The following ZNF638 variants were observed in gnomAD, a reference collection of about 807,000 sequenced individuals.
ZNF638 encodes the protein CTCL tumor antigen se33-1.
Under a neutral mutation model 195.6 loss-of-function variants are expected in ZNF638, and 46 were observed. The ratio of observed to expected loss-of-function variants is 0.24; its 90% confidence interval spans 0.19 to 0.30. The LOEUF is 0.30. Ranked by LOEUF, ZNF638 falls within the 10% of genes least tolerant of loss-of-function variation. The probability of loss-of-function intolerance (pLI) is 1.00; values close to 1 mark genes in which losing one functional copy is unlikely to be tolerated. For synonymous variants in ZNF638, 845 were observed against 772.0 expected (o/e 1.09, Z -1.57); for missense variants, 2,440 against 2,325.3 (o/e 1.05, Z -1.01).
At chr2:71,399,330 G>A (rs1252575761) in intron 12 of ZNF638, among the ~76,000 whole-genome samples, 3 of 152,070 alleles carry the variant, frequency 2.0e-5, no homozygotes, top group Non-Finnish European at 4.4e-5. Flanking sequence ...GCCACATGAA[G>A]GTTAAACATG....
chr2:71,419,239 C>G (rs1296184252), intron 21 of ZNF638, among the ~76,000 whole-genome samples: 1 of 152,186 alleles, frequency 6.6e-6, no homozygotes, highest in East Asian at 1.9e-4. Flanking sequence ...TGGATATCCT[C>G]CTTATCACCA....
chr2:71,407,609 A>G (rs1040768731), intron 19 of ZNF638: 5 of 152,262 alleles, frequency 3.3e-5, no homozygotes, highest in African/African-American at 1.2e-4. Context: ...ACTGATATTC[A>G]GCACCTTCAC....
At chr2:71,355,384 T>A (rs550180505) in intron 2 of ZNF638, among the ~76,000 whole-genome samples, 137 of 152,248 alleles carry the variant, frequency 9.0e-4, no homozygotes, top group African/African-American at 3.2e-3. Context: ...TCTGGTGTGT[T>A]GTTTTTATAT....
rs2079182861 is a variant in ZNF638, at chr2:71,365,594, G to T, written c.1883G>T (p.Ser628Ile). Residue 628 changes from serine to isoleucine, a missense_variant, in exon 6 of 28, where the codon AGT (serine) becomes ATT (isoleucine). By Grantham distance (142) the Ser-to-Ile change is moderately radical. Around this residue, in one of 5 missense-constraint regions of ZNF638, gnomAD observed 1,883 missense variants for 1,739.1 expected, o/e 1.08. Coordinates refer to ENST00000264447, the MANE Select transcript of ZNF638 (RefSeq NM_014497.5). ...PSVKPTSATK[S>I]DSNLGGHSIR... ...GTTAAACCTACAAGCGCTACAAAGA[G>T]TGATTCAAATCTAGGAGGACATTCT... The T allele has an allele frequency of 6.2e-7, 1 of 1,614,162 alleles. No individual in the cohort carries two copies.
intron 24 of ZNF638, 87 bp downstream of exon 24, chr2:71,427,501 A>ATTGG: frequency 1.2e-5 from 12 of 995,766 alleles, no homozygotes; most frequent in Non-Finnish European, 1.7e-5. Context: ...GGCATTACCA[A>ATTGG]TAATGTCACC....
rs773266722 is a variant in ZNF638 at position 71,364,267 on chromosome 2, A to G, written c.1717+15A>G. 5.6e-6 allele frequency: 9 copies of G among 1,596,698 alleles called. No homozygotes were observed. Among genetic ancestry groups the G allele is most frequent in the South Asian group, 4.5e-5 (4 of 88,822 alleles). ...GAGATCATCAGGTACACTGATGGCC[A>G]TGAAATAGTGAATGTACTTATTTTG... is the stretch of plus-strand genomic sequence containing the variant. On this transcript the variant is annotated intron_variant, in intron 5 of 27. Coordinates refer to ENST00000264447, the MANE Select transcript of ZNF638 (RefSeq NM_014497.5).
chr2:71,433,412 C>A lies in ZNF638; in HGVS notation c.5871+129C>A, dbSNP rs566915785. 5 of 652,750 alleles carry A rather than the reference C, an allele frequency of 7.7e-6. No homozygotes were observed. The East Asian group carries it at 1.1e-4, about 14-fold the overall frequency. The allele number at this position is 652,750 out of a possible 1,614,324, so 40.4% of individuals were successfully genotyped here. ...TTATGCCAGTTTATTCCTCTTAAGT[C>A]CTGTTTTCTCCTTCAGTGTACCTTG... On this transcript the variant is annotated intron_variant, in intron 27 of 27. Transcript: ENST00000264447.
At position 71,376,343 on chromosome 2, in the gene ZNF638, A is replaced by G. The variant is rs369702872; in HGVS notation, c.2266-3879A>G. On this transcript the variant is annotated intron_variant, in intron 8 of 27. Coordinates refer to ENST00000264447, the MANE Select transcript of ZNF638 (RefSeq NM_014497.5). Reference sequence around the variant, plus strand: ...GGATTGAGTGGAGGGAACTCTGAACAGAATTTGAGTTGTGCCTTCTTCATA... The same window carrying G: ...GGATTGAGTGGAGGGAACTCTGAACGGAATTTGAGTTGTGCCTTCTTCATA... The G allele has an allele frequency of 4.6e-5, 7 of 152,326 alleles. No homozygotes were observed. In the South Asian group the frequency reaches 8.3e-4, roughly 18 times the overall value. The allele number at this position is 152,326 out of a possible 1,614,324, so 9.4% of individuals were successfully genotyped here.
chr2:71,366,968 T>A (rs1040296269), intron 6 of ZNF638, among the ~76,000 whole-genome samples: 2 of 152,192 alleles, frequency 1.3e-5, no homozygotes, highest in Non-Finnish European at 2.9e-5. Context: ...TTAATATTAA[T>A]AAGTCTTCAA....
At chr2:71,419,958 T>TTCCCCCC (rs1558881346) in intron 21 of ZNF638, among the ~76,000 whole-genome samples, 1 of 26,574 alleles carries the variant, frequency 3.8e-5, no homozygotes, top group Non-Finnish European at 7.5e-5. Flanking sequence ...ACTTCTTAAT[T>TTCCCCCC]CCCACCCCCC....
intron 1 of ZNF638, among the ~76,000 whole-genome samples, chr2:71,343,478 C>T (rs1178089813): frequency 6.6e-6 from 1 of 152,132 alleles, no homozygotes; most frequent in African/African-American, 2.4e-5. Flanking sequence ...ATTAAATGTT[C>T]CTGCCTGCCA....
chr2:71,418,873 C>T lies in ZNF638; in HGVS notation c.3299+234C>T, dbSNP rs112295416. Among the ~76,000 whole-genome samples the T allele has an allele frequency of 2.4e-3, 362 of 152,126 alleles. 3 individuals carry two copies. The highest frequency in any genetic ancestry group is 7.9e-3 in the African/African-American group (329 of 41,520). ...ATTTACTGAATATTTAGAGTAACTG[C>T]GTATATAAACAGTTTGAATTAAATA... On this transcript the variant is annotated intron_variant, in intron 21 of 27. Transcript: ENST00000264447.
Position 71,348,813 on chromosome 2 carries a change from A to C in ZNF638, c.-142A>C, listed in dbSNP as rs750333726. On this transcript the variant is annotated 5_prime_UTR_variant, in exon 2 of 28. Coordinates refer to ENST00000264447, the MANE Select transcript of ZNF638 (RefSeq NM_014497.5). Reference sequence around the variant, plus strand: ...TGAATTCCTTGAACCTGGGCATTGCAAACCCACTTCTGTTGGGCCCATCTC... The same window carrying C: ...TGAATTCCTTGAACCTGGGCATTGCCAACCCACTTCTGTTGGGCCCATCTC... 3 of 1,589,800 alleles carry C rather than the reference A, an allele frequency of 1.9e-6. No individual in the cohort carries two copies. The highest frequency in any genetic ancestry group is 1.1e-5 in the South Asian group (1 of 88,620).
intron 8 of ZNF638, among the ~76,000 whole-genome samples, chr2:71,371,638 T>G (rs1040720888): frequency 5.9e-5 from 9 of 152,310 alleles, no homozygotes; most frequent in East Asian, 5.8e-4. Context: ...TTGCCATTTA[T>G]GTGTTGTCTT....
chr2:71,338,215 C>T (rs1179816788), intron 1 of ZNF638, among the ~76,000 whole-genome samples: 1 of 152,186 alleles, frequency 6.6e-6, no homozygotes, highest in African/African-American at 2.4e-5. Flanking sequence ...ACCTCTGTAA[C>T]ACCCACTCAT....
In ZNF638 at chr2:71,368,428, C is replaced by G. The variant is rs746443301; in HGVS notation, c.2042C>G (p.Thr681Ser). 1.9e-5 allele frequency: 31 copies of G among 1,613,338 alleles called. No individual in the cohort carries two copies. The highest frequency in any genetic ancestry group is 2.6e-5 in the Non-Finnish European group (31 of 1,179,690). Residue 681 changes from threonine (T) to serine (S), a missense_variant, in exon 7 of 28, where the codon ACT becomes AGT. This residue lies in a region of ZNF638 where 1,883 missense variants were observed against 1,739.1 expected (regional missense o/e 1.08). Transcript: ENST00000264447. ...SLHYGSVLLITELPEDGCTEE... is the reference protein window; with the variant it reads ...SLHYGSVLLISELPEDGCTEE... ...CATTATGGTTCGGTTCTTCTTATAA[C>G]TGAATTACCAGAGGATGGTTGTACT...
At chr2:71,354,063 C>T (rs1186287769) in intron 2 of ZNF638, among the ~76,000 whole-genome samples, 1 of 152,200 alleles carries the variant, frequency 6.6e-6, no homozygotes, top group Non-Finnish European at 1.5e-5. Context: ...CATTGCAAAT[C>T]AGTGTACCTT....
At chr2:71,375,976 A>G (rs1247496933) in intron 8 of ZNF638, 2 of 152,218 alleles carry the variant, frequency 1.3e-5, no homozygotes, top group African/African-American at 4.8e-5. Context: ...GGAATTGTTG[A>G]GAAGGCCAGT....
At chr2:71,408,029 T>C (rs546930943) in intron 19 of ZNF638, 93 bp from the exon 20 acceptor site, 15 of 1,141,314 alleles carry the variant, frequency 1.3e-5, no homozygotes. Flanking sequence ...TCCTTTTAGG[T>C]GTATACTAAA....
Sources: gnomAD v4.1 joint callset for allele counts (sites outside exome capture counted in the v4.1 genomes callset) on GRCh38, gnomAD v4.1.1 for gene constraint, gnomAD v4.1.1 regional missense constraint, MANE v1.5 for transcripts, NCBI Gene and HGNC (gene_info 2026-07-23, HGNC 2026-07-21) for gene names.